Variants in SEMA3A observed in about 807,000 individuals in gnomAD.
The protein encoded by SEMA3A is semaphorin-3A.
In SEMA3A, 29 loss-of-function variants were observed where a neutral mutation model predicts 97.9. The ratio of observed to expected loss-of-function variants is 0.30; its 90% CI spans 0.22 to 0.40. The LOEUF (loss-of-function observed/expected upper bound fraction) is 0.40. Ranked by LOEUF, SEMA3A falls within the 10% of genes least tolerant of loss-of-function variation. The pLI is 1.00. For missense variants in SEMA3A, 763 were observed against 951.3 expected, an observed-to-expected ratio of 0.80 and a Z score of 2.60; for synonymous variants, 321 against 323.7, an observed-to-expected ratio of 0.99 and a Z score of 0.09.
At chr7:84,335,656 A>T (rs1274287054) in intron 2 of SEMA3A, among the ~76,000 whole-genome samples, 1 of 152,176 alleles carries the variant, frequency 6.6e-6, no homozygotes, top group Non-Finnish European at 1.5e-5. Flanking sequence ...ATTATAATTA[A>T]TAATAAGAAT....
chr7:83,956,117 A>C lies in SEMA3A; in HGVS notation c.*5254T>G, dbSNP rs1220946252. The stretch of plus-strand genomic sequence containing the variant: ...TAATAGGAGTCTGCCTATCAACTAC[A>C]TGTGCTGACCACACCTGCAGCATTG... On this transcript the variant is annotated 3_prime_UTR_variant, in exon 17 of 17. Coordinates refer to ENST00000265362, the MANE Select transcript of SEMA3A (RefSeq NM_006080.3). The C allele has an allele frequency of 2.0e-5, 3 of 152,180 alleles. No individual in the cohort carries two copies. The East Asian group carries it at 5.8e-4, about 29-fold the overall frequency. 9.4% of individuals were successfully genotyped at this position (152,180 alleles called of 1,614,324 possible). A position where few individuals can be genotyped will look rare whatever the true frequency, so the allele number is the denominator to read the frequency against.
chr7:84,284,672 T>A (rs1584200994), intron 3 of SEMA3A, among the ~76,000 whole-genome samples: 1 of 152,206 alleles, frequency 6.6e-6, no homozygotes, highest in Non-Finnish European at 1.5e-5. Context: ...AGGAATTGTG[T>A]CTTATGAACT....
chr7:84,266,174 A>T (rs2115681850), intron 3 of SEMA3A, among the ~76,000 whole-genome samples: 1 of 152,092 alleles, frequency 6.6e-6, no homozygotes, highest in South Asian at 2.1e-4. Flanking sequence ...CAAAAAAATT[A>T]GCCAGGCATA....
chr7:84,130,026 G>T (rs1466489093), intron 2 of SEMA3A, among the ~76,000 whole-genome samples: 1 of 151,950 alleles, frequency 6.6e-6, no homozygotes, highest in African/African-American at 2.4e-5. Flanking sequence ...ACTCTCATTT[G>T]ATTTTAATAT....
chr7:83,989,743 G>A (rs1189950863), intron 12 of SEMA3A, among the ~76,000 whole-genome samples: 2 of 145,624 alleles, frequency 1.4e-5, no homozygotes, highest in Admixed American at 7.0e-5. Context: ...TTGGTTCCAA[G>A]TCTTTGCTAT....
chr7:84,441,153 C>T (rs1213481793), intron 1 of SEMA3A, among the ~76,000 whole-genome samples: 2 of 151,066 alleles, frequency 1.3e-5, no homozygotes. Context: ...AGCAAAACTC[C>T]ATCTCAATAA....
At chr7:84,410,354 A>C (rs1804228175) in intron 1 of SEMA3A, among the ~76,000 whole-genome samples, 2 of 152,208 alleles carry the variant, frequency 1.3e-5, no homozygotes, top group South Asian at 4.1e-4. Flanking sequence ...TTCAAGATAA[A>C]AGACATTCTT....
intron 15 of SEMA3A, among the ~76,000 whole-genome samples, 157 bp from the exon 16 acceptor site, chr7:83,963,504 C>T (rs1788557466): frequency 6.6e-6 from 1 of 152,160 alleles, no homozygotes; most frequent in Non-Finnish European, 1.5e-5. Context: ...TGTAAGGTTT[C>T]AGAGCCCAAA....
chr7:84,000,368 C>G (rs1790391688), intron 12 of SEMA3A, among the ~76,000 whole-genome samples: 1 of 151,952 alleles, frequency 6.6e-6, no homozygotes, highest in African/African-American at 2.4e-5. Context: ...GCTAATGTGC[C>G]TGATTTTAAA....
At chr7:84,382,177 G>A (rs950903802) in intron 1 of SEMA3A, among the ~76,000 whole-genome samples, 4 of 151,952 alleles carry the variant, frequency 2.6e-5, no homozygotes, top group East Asian at 1.9e-4. Context: ...GCATGACCTC[G>A]GTTCACTGCA....
intron 1 of SEMA3A, among the ~76,000 whole-genome samples, chr7:84,409,452 T>G (rs953630776): frequency 9.9e-5 from 15 of 152,096 alleles, no homozygotes; most frequent in Non-Finnish European, 2.1e-4. Context: ...ATCTTTCACA[T>G]TAGCCCTTTT....
intron 1 of SEMA3A, among the ~76,000 whole-genome samples, chr7:84,452,105 T>C (rs148719977): frequency 6.6e-6 from 1 of 152,196 alleles, no homozygotes. Context: ...TCCATTTTTT[T>C]ACACACCTGA....
At chr7:84,453,433 T>C (rs1805612430) in intron 1 of SEMA3A, among the ~76,000 whole-genome samples, 1 of 151,974 alleles carries the variant, frequency 6.6e-6, no homozygotes, top group Admixed American at 6.6e-5. Flanking sequence ...AGACGGGGTT[T>C]CACCGTGTTA....
At position 84,421,775 on chromosome 7, in the gene SEMA3A, CAT is replaced by C. The variant is rs542190325; in HGVS notation, c.-245-49877_-245-49876del. On this transcript the variant is annotated intron_variant, in intron 1 of 3. Coordinates refer to the SEMA3A transcript ENST00000424555. ...CCTTTTCTGCATCTATTCAGATAAT[CAT>C]GTGGTTTTTTTTGTTGGTTCTGTTT... Among the ~76,000 whole-genome samples, 433 of 152,098 alleles carry C rather than the reference CAT, an allele frequency of 2.8e-3. 2 individuals are homozygous for C. Among genetic ancestry groups the C allele is most frequent in the African/African-American group, 9.8e-3 (407 of 41,508 alleles).
intron 1 of SEMA3A, among the ~76,000 whole-genome samples, chr7:84,176,944 G>A (rs187983222): frequency 3.3e-5 from 5 of 152,084 alleles, no homozygotes; most frequent in South Asian, 2.1e-4. Context: ...ATCTAGCCCC[G>A]AGCCATAAAA....
chr7:84,028,591 A>C (rs903928218), intron 6 of SEMA3A, among the ~76,000 whole-genome samples: 10 of 125,356 alleles, frequency 8.0e-5, no homozygotes, highest in African/African-American at 3.6e-4. Context: ...ATGTATAATA[A>C]AGTTTGTTTG....
chr7:84,223,058 G>C (rs1798915938), intron 3 of SEMA3A, among the ~76,000 whole-genome samples: 1 of 151,768 alleles, frequency 6.6e-6, no homozygotes, highest in Admixed American at 6.6e-5. Flanking sequence ...GGTTCCTTTG[G>C]CATGGCAACT....
intron 1 of SEMA3A, among the ~76,000 whole-genome samples, chr7:84,418,056 G>T (rs777114444): frequency 3.9e-5 from 6 of 152,080 alleles, no homozygotes; most frequent in Non-Finnish European, 5.9e-5. Context: ...GGGATGCCTA[G>T]GTGGCTGGTA....
intron 9 of SEMA3A, among the ~76,000 whole-genome samples, chr7:84,007,948 C>T (rs1004291353): frequency 2.6e-5 from 4 of 152,174 alleles, no homozygotes; most frequent in Middle Eastern, 3.4e-3. Flanking sequence ...TACAAAAGAT[C>T]GTGTCAAATG....
Sources: allele counts gnomAD v4.1 joint callset (sites outside exome capture counted in the v4.1 genomes callset), GRCh38; gene constraint gnomAD v4.1.1; transcripts MANE v1.5; gene names NCBI Gene and HGNC (gene_info 2026-07-23, HGNC 2026-07-21).